The following ZFAT variants were observed in gnomAD, a reference collection of about 807,000 sequenced individuals.
ZFAT encodes the protein zinc finger protein ZFAT.
ZFAT carries 64 observed loss-of-function variants against 117.7 expected under a neutral mutation model. That is an observed-to-expected ratio of 0.54 (90% CI 0.44 to 0.67). ZFAT has a LOEUF of 0.67. Among genes scored for constraint, ZFAT ranks in the 30% least tolerant of loss-of-function variants. The pLI is 0.00. For synonymous variants in ZFAT, 679 were observed against 615.0 expected (o/e 1.10, Z -1.54); for missense variants, 1,433 against 1,584.5 (o/e 0.90, Z 1.62).
chr8:134,764,049 T>C, the ZFAT span, among the ~76,000 whole-genome samples: 1 of 152,234 alleles, frequency 6.6e-6, no homozygotes, highest in South Asian at 2.1e-4. Flanking sequence ...CCAAGGCCCT[T>C]GCCAGCTCCA....
intron 15 of ZFAT, among the ~76,000 whole-genome samples, chr8:134,480,576 CTG>C (rs1365337672): frequency 2.6e-5 from 4 of 152,230 alleles, no homozygotes; most frequent in African/African-American, 9.6e-5. Context: ...CAGTGAATGA[CTG>C]TGCTGTGGAG....
intron 3 of ZFAT, among the ~76,000 whole-genome samples, chr8:134,630,527 C>T (rs543998617): frequency 1.3e-5 from 2 of 152,244 alleles, no homozygotes; most frequent in South Asian, 4.2e-4. Flanking sequence ...AAAATGAATG[C>T]CTTGTCTTTG....
At chr8:134,778,786 A>G in the ZFAT span, among the ~76,000 whole-genome samples, 2 of 152,232 alleles carry the variant, frequency 1.3e-5, no homozygotes, top group East Asian at 1.9e-4. Context: ...AGCATTCACA[A>G]TGGAAGAACT....
At chr8:134,803,169 C>T in the ZFAT span, among the ~76,000 whole-genome samples, 3 of 152,168 alleles carry the variant, frequency 2.0e-5, no homozygotes, top group African/African-American at 7.2e-5. Flanking sequence ...TGCCTACCCC[C>T]TCATTTAGCT....
the ZFAT span, among the ~76,000 whole-genome samples, chr8:134,748,904 A>G: frequency 6.6e-6 from 1 of 151,364 alleles, no homozygotes; most frequent in Non-Finnish European, 1.5e-5. Flanking sequence ...TTTTTTTCCT[A>G]TCAGGTTTTC....
intron 11 of ZFAT, among the ~76,000 whole-genome samples, chr8:134,556,689 T>C (rs1823652194): frequency 6.6e-6 from 1 of 152,110 alleles, no homozygotes; most frequent in South Asian, 2.1e-4. Context: ...TCTATGGCTA[T>C]CAAAATATTT....
chr8:134,652,508 T>A (rs1045607101), intron 2 of ZFAT, among the ~76,000 whole-genome samples: 4 of 152,228 alleles, frequency 2.6e-5, no homozygotes, highest in Non-Finnish European at 5.9e-5. Flanking sequence ...ATAATCATTA[T>A]CATGCATTGT....
chr8:134,512,418 T>G, intron 14 of ZFAT, 57 bp downstream of exon 14: 2 of 1,591,262 alleles, frequency 1.3e-6, no homozygotes, highest in Non-Finnish European at 1.7e-6. Context: ...ACGCATTCAT[T>G]CAGCATGTCT....
chr8:134,692,451 C>CGCCCAGGA (rs1833629520), intron 1 of ZFAT, among the ~76,000 whole-genome samples: 1 of 152,178 alleles, frequency 6.6e-6, no homozygotes, highest in Non-Finnish European at 1.5e-5. Context: ...GGGCCATGGC[C>CGCCCAGGA]GCCCAGGACT....
intron 11 of ZFAT, among the ~76,000 whole-genome samples, chr8:134,558,929 C>T (rs1003519900): frequency 4.6e-5 from 7 of 152,212 alleles, no homozygotes; most frequent in African/African-American, 1.7e-4. Context: ...AAATCCTGTG[C>T]TTTGCTATGA....
chr8:134,726,642 T>A, the ZFAT span, among the ~76,000 whole-genome samples: 1 of 152,180 alleles, frequency 6.6e-6, no homozygotes, highest in East Asian at 1.9e-4. Flanking sequence ...TCACCCCAGT[T>A]GGAGTGCAGT....
chr8:134,801,228 C>G, the ZFAT span, among the ~76,000 whole-genome samples: 1 of 152,126 alleles, frequency 6.6e-6, no homozygotes, highest in Non-Finnish European at 1.5e-5. Context: ...TCAGGCACAT[C>G]TTTCCCACAC....
At chr8:134,829,315 C>T in the ZFAT span, among the ~76,000 whole-genome samples, 1 of 152,242 alleles carries the variant, frequency 6.6e-6, no homozygotes, top group African/African-American at 2.4e-5. Flanking sequence ...TGGCCCAAGA[C>T]AATTCTTCTT....
intron 4 of ZFAT, among the ~76,000 whole-genome samples, chr8:134,609,492 C>T (rs1420520900): frequency 6.6e-6 from 1 of 152,168 alleles, no homozygotes; most frequent in Non-Finnish European, 1.5e-5. Flanking sequence ...TCTAGCCACA[C>T]AATTTTATAT....
chr8:134,723,043 A>G, the ZFAT span: 1 of 152,250 alleles, frequency 6.6e-6, no homozygotes, highest in Non-Finnish European at 1.5e-5. Flanking sequence ...TGACACCTTG[A>G]TCTTGGACTT....
In ZFAT at chr8:134,478,327, C is replaced by A. The variant is rs930896867; in HGVS notation, c.*155G>T. 3.4e-6 allele frequency: 4 copies of A among 1,170,230 alleles called. No individual in the cohort carries two copies. Among genetic ancestry groups the A allele is most frequent in the Non-Finnish European group, 4.7e-6 (4 of 855,014 alleles). 72.5% of individuals were successfully genotyped at this position (1,170,230 alleles called of 1,614,324 possible). ...GGTGATGCTGACTGCCTTGCCCACC[C>A]CAAGTTGGACTAGGAGAGTCCTATC... On this transcript the variant is annotated 3_prime_UTR_variant, in exon 16 of 16. Transcript: ENST00000377838. The surrounding 1 kb of genome is among the most constrained non-coding windows in gnomAD (Gnocchi z 5.2).
the ZFAT span, among the ~76,000 whole-genome samples, chr8:134,771,195 C>T: frequency 6.6e-6 from 1 of 152,204 alleles, no homozygotes; most frequent in African/African-American, 2.4e-5. Context: ...ACGGAACCTA[C>T]CGACATGTGA....
the ZFAT span, among the ~76,000 whole-genome samples, chr8:134,762,480 G>A: frequency 2.6e-5 from 4 of 152,040 alleles, no homozygotes; most frequent in Admixed American, 6.6e-5. Context: ...ATCCTTTTTG[G>A]TAGCCTTTCC....
intron 2 of ZFAT, among the ~76,000 whole-genome samples, chr8:134,641,409 G>C (rs1038048714): frequency 6.6e-6 from 1 of 152,062 alleles, no homozygotes; most frequent in African/African-American, 2.4e-5. Flanking sequence ...CTACCAATCA[G>C]AGACCAAGCC....
Sources: allele counts gnomAD v4.1 joint callset (sites outside exome capture counted in the v4.1 genomes callset), GRCh38; gene constraint gnomAD v4.1.1; non-coding constraint Gnocchi (gnomAD v3.1); transcripts MANE v1.5; gene names NCBI Gene and HGNC (gene_info 2026-07-23, HGNC 2026-07-21).